DLG2: variants seen among roughly 807,000 people sequenced by gnomAD.
DLG2 encodes the protein discs large MAGUK scaffold protein 2.
In DLG2, 45 loss-of-function variants were observed where a neutral mutation model predicts 132.5. The observed-to-expected ratio is 0.34, with a 90% CI of 0.27 to 0.44. The LOEUF is 0.44. DLG2 is among the 20% of genes least tolerant of loss of function. DLG2 has a pLI of 1.00. For missense variants in DLG2, 1,045 were observed against 1,196.9 expected, an observed-to-expected ratio of 0.87 and a Z score of 1.87; for synonymous variants, 424 against 419.6, an observed-to-expected ratio of 1.01 and a Z score of -0.13.
chr11:83,816,821 G>C (rs2049083916), intron 17 of DLG2, among the ~76,000 whole-genome samples: 1 of 152,010 alleles, frequency 6.6e-6, no homozygotes, highest in Non-Finnish European at 1.5e-5. Context: ...CATTTTGTTT[G>C]TTTCTCATTT....
chr11:84,094,111 G>T (rs2154173389), intron 10 of DLG2, among the ~76,000 whole-genome samples: 1 of 152,208 alleles, frequency 6.6e-6, no homozygotes, highest in South Asian at 2.1e-4. Context: ...TAGCTTAGAA[G>T]ATAAAAACAT....
At chr11:85,493,667 G>C (rs286523) in intron 3 of DLG2, among the ~76,000 whole-genome samples, 130,928 of 148,594 alleles carry the variant, frequency 0.88, 57,904 homozygotes, top group Non-Finnish European at 0.91. Context: ...AAGATCCCAT[G>C]TCAGAGAGGA....
At chr11:84,087,269 C>T (rs186558301) in intron 10 of DLG2, among the ~76,000 whole-genome samples, 190 of 152,268 alleles carry the variant, frequency 1.2e-3, no homozygotes, top group Middle Eastern at 3.4e-3. Flanking sequence ...TACAATCCCA[C>T]CAGGCATGCT....
chr11:84,928,239 TCTAA>T (rs1275840388), intron 6 of DLG2, among the ~76,000 whole-genome samples: 1 of 151,890 alleles, frequency 6.6e-6, no homozygotes, highest in African/African-American at 2.4e-5. Flanking sequence ...TCTTAAAAAC[TCTAA>T]CAGCTCTTGG....
At chr11:84,340,547 G>A (rs893290723) in intron 7 of DLG2, among the ~76,000 whole-genome samples, 8 of 152,150 alleles carry the variant, frequency 5.3e-5, no homozygotes, top group African/African-American at 1.4e-4. Context: ...CTCCAGAAAA[G>A]TAGGTATTCT....
chr11:84,168,708 C>T (rs571665297), intron 8 of DLG2, among the ~76,000 whole-genome samples: 29 of 152,210 alleles, frequency 1.9e-4, no homozygotes, highest in African/African-American at 7.0e-4. Context: ...TGGGCCCATG[C>T]CTTTTGCCAT....
intron 7 of DLG2, among the ~76,000 whole-genome samples, chr11:84,371,905 G>A (rs1016292357): frequency 5.3e-5 from 8 of 152,046 alleles, no homozygotes; most frequent in African/African-American, 1.2e-4. Flanking sequence ...CCCACTTCAC[G>A]GAAAAGGGCA....
intron 18 of DLG2, among the ~76,000 whole-genome samples, chr11:83,730,107 T>G (rs2090731519): frequency 6.6e-6 from 1 of 151,268 alleles, no homozygotes; most frequent in South Asian, 2.1e-4. Flanking sequence ...TCAATCATTG[T>G]GAGTATATTT....
chr11:84,051,301 G>A (rs894272032), intron 11 of DLG2, among the ~76,000 whole-genome samples: 5 of 151,812 alleles, frequency 3.3e-5, no homozygotes, highest in African/African-American at 1.2e-4. Context: ...TATAAATCGT[G>A]TTGCTAGAAA....
At chr11:83,638,842 C>A (rs1034335271) in intron 18 of DLG2, among the ~76,000 whole-genome samples, 2 of 152,180 alleles carry the variant, frequency 1.3e-5, no homozygotes, top group African/African-American at 2.4e-5. Context: ...TGATTTCATT[C>A]ATCAGTATTA....
At chr11:84,512,846 A>T (rs941304586) in intron 7 of DLG2, among the ~76,000 whole-genome samples, 3 of 152,180 alleles carry the variant, frequency 2.0e-5, no homozygotes, top group Non-Finnish European at 4.4e-5. Flanking sequence ...AGGGACATGG[A>T]TAAAGCTGGA....
chr11:84,048,693 G>T (rs887739965), intron 11 of DLG2, among the ~76,000 whole-genome samples: 26 of 151,794 alleles, frequency 1.7e-4, no homozygotes, highest in African/African-American at 6.0e-4. Context: ...CAAACCAGTT[G>T]TACAAACTTT....
chr11:84,331,458 A>AAT (rs1555509074), intron 7 of DLG2, among the ~76,000 whole-genome samples: 26 of 139,178 alleles, frequency 1.9e-4, no homozygotes, highest in South Asian at 1.6e-3. Context: ...AAAAAAAAAA[A>AAT]AAATAAATAA....
At chr11:84,896,820 T>A (rs984366650) in intron 6 of DLG2, among the ~76,000 whole-genome samples, 11 of 151,958 alleles carry the variant, frequency 7.2e-5, no homozygotes, top group African/African-American at 2.4e-4. Flanking sequence ...CATCTCTTAC[T>A]GTGCATAATT....
chr11:83,813,826 A>T (rs991746277), intron 17 of DLG2, among the ~76,000 whole-genome samples: 3 of 152,140 alleles, frequency 2.0e-5, no homozygotes, highest in African/African-American at 7.2e-5. Context: ...AAATCCTTCC[A>T]GGTGCGAAAT....
intron 7 of DLG2, among the ~76,000 whole-genome samples, chr11:84,383,958 C>T (rs1447767688): frequency 6.6e-6 from 1 of 151,802 alleles, no homozygotes; most frequent in South Asian, 2.1e-4. Flanking sequence ...TGGGCTCCTA[C>T]TGCACTTTTC....
intron 18 of DLG2, among the ~76,000 whole-genome samples, chr11:83,715,061 C>T (rs1476507581): frequency 6.6e-6 from 1 of 152,086 alleles, no homozygotes; most frequent in Non-Finnish European, 1.5e-5. Flanking sequence ...ACATATACAC[C>T]ATGGAATACT....
At chr11:84,469,956 T>C (rs1270547110) in intron 7 of DLG2, among the ~76,000 whole-genome samples, 1 of 151,730 alleles carries the variant, frequency 6.6e-6, no homozygotes, top group African/African-American at 2.4e-5. Context: ...TGAGACTATG[T>C]AATATAGCCT....
chr11:85,172,887 T>C (rs680675), intron 4 of DLG2, among the ~76,000 whole-genome samples: 19,422 of 151,822 alleles, frequency 0.13, 1,619 homozygotes, highest in East Asian at 0.31. Context: ...TTGAAGACAA[T>C]CTTTCTGAAA....
Sources: allele counts gnomAD v4.1 joint callset (sites outside exome capture counted in the v4.1 genomes callset), GRCh38; gene constraint gnomAD v4.1.1; transcripts MANE v1.5; gene names NCBI Gene and HGNC (gene_info 2026-07-23, HGNC 2026-07-21).